The following IPP variants were observed in gnomAD, a reference collection of about 807,000 sequenced individuals.
IPP encodes intracisternal A particle-promoted polypeptide.
In IPP, 41 loss-of-function variants were observed where a neutral mutation model predicts 64.1. The observed-to-expected ratio is 0.64, with a 90% CI of 0.50 to 0.83. The LOEUF (loss-of-function observed/expected upper bound fraction) is 0.83. Among genes scored for constraint, IPP ranks in the 40% least tolerant of loss-of-function variants. The pLI is 0.00. For missense variants in IPP, 649 were observed against 703.0 expected (o/e 0.92, Z 0.87); for synonymous variants, 214 against 235.2 (o/e 0.91, Z 0.83).
chr1:45,712,032 G>C (rs1211567440), intron 8 of IPP, among the ~76,000 whole-genome samples: 1 of 152,032 alleles, frequency 6.6e-6, no homozygotes, highest in Non-Finnish European at 1.5e-5. Flanking sequence ...AAACCAACTT[G>C]AGGCCAGGAG....
In IPP at chr1:45,714,351, T is replaced by C; in HGVS notation, c.1425A>G (p.Arg475=). The change falls in exon 8 of 9, where the codon AGA becomes AGG. Residue 475 remains arginine (R), a synonymous_variant. Transcript: ENST00000396478. The part of the protein sequence containing the change: ...WSPLPPMGTR[R]AYLGVAALND... ...TGAGTGCAGCCACACCAAGATATGC[T>C]CTCCTGGTTCCCATTGGAGGAAGTG... 2 of 1,614,032 alleles carry C rather than the reference T, an allele frequency of 1.2e-6. No homozygotes were observed. The highest frequency in any genetic ancestry group is 1.3e-5 in the African/African-American group (1 of 75,042).
chr1:45,719,451 T>C (rs1645703147), intron 5 of IPP, 111 bp from the exon 6 acceptor site: 1 of 663,418 alleles, frequency 1.5e-6, no homozygotes, highest in South Asian at 2.3e-5. Flanking sequence ...AACCATTATG[T>C]CTGATTTTAT....
At chr1:45,737,548 C>A (rs1018643388) in intron 3 of IPP, among the ~76,000 whole-genome samples, 3 of 150,624 alleles carry the variant, frequency 2.0e-5, no homozygotes, top group Non-Finnish European at 4.4e-5. Flanking sequence ...GCAGCCTCAG[C>A]TTCCTGGGTT....
chr1:45,699,736 T>A lies in IPP; in HGVS notation c.*230A>T. On this transcript the variant is annotated 3_prime_UTR_variant, in exon 9 of 9. Coordinates refer to ENST00000396478, the MANE Select transcript of IPP (RefSeq NM_005897.3). ...GGAGTGCAGTGGCATGATCGTAGCT[T>A]ACTACAACCTCAAATTCCTGGGCTC... 8.0e-7 allele frequency: 1 copy of A among 1,254,560 alleles called. No homozygotes were observed. The highest frequency in any genetic ancestry group is 2.9e-4 in the Middle Eastern group (1 of 3,408). The allele number at this position is 1,254,560 out of a possible 1,614,324, so 77.7% of individuals were successfully genotyped here. A position where few individuals can be genotyped will look rare whatever the true frequency, so the allele number is the denominator to read the frequency against.
intron 5 of IPP, among the ~76,000 whole-genome samples, chr1:45,726,629 G>C (rs1459959161): frequency 6.6e-6 from 1 of 151,600 alleles, no homozygotes; most frequent in East Asian, 1.9e-4. Flanking sequence ...TACGTATCCA[G>C]TATCCATACT....
chr1:45,729,826 AAC>A lies in IPP; in HGVS notation c.725-59_725-58del, dbSNP rs1645882307. ...AACAATTTTTAAATAATATTGAAAAAACACATTTCTATAAAGATAAGATACAT... is the reference window on the plus strand; with the variant it reads ...AACAATTTTTAAATAATATTGAAAAAACATTTCTATAAAGATAAGATACAT... On this transcript the variant is annotated intron_variant, in intron 3 of 8. Transcript: ENST00000396478. The A allele has an allele frequency of 1.1e-5, 11 of 1,003,606 alleles. No individual in the cohort carries two copies. In the East Asian group the frequency reaches 2.8e-4, roughly 26 times the overall value. 62.2% of individuals were successfully genotyped at this position (1,003,606 alleles called of 1,614,324 possible).
At chr1:45,739,043 ATC>A (rs1262916467) in intron 3 of IPP, among the ~76,000 whole-genome samples, 2 of 152,130 alleles carry the variant, frequency 1.3e-5, no homozygotes, top group Non-Finnish European at 2.9e-5. Flanking sequence ...AATCAACTAT[ATC>A]TGTAGTAAAA....
At chr1:45,747,368 T>C (rs1039602075) in intron 1 of IPP, among the ~76,000 whole-genome samples, 1 of 151,884 alleles carries the variant, frequency 6.6e-6, no homozygotes, top group African/African-American at 2.4e-5. Flanking sequence ...TTATCTAAAA[T>C]GAGAGAAAAG....
intron 3 of IPP, among the ~76,000 whole-genome samples, chr1:45,739,588 T>A (rs1448459947): frequency 6.6e-6 from 1 of 151,852 alleles, no homozygotes; most frequent in Admixed American, 6.6e-5. Flanking sequence ...TTAAACATCA[T>A]TTTTCTAATA....
At position 45,708,498 on chromosome 1, in the gene IPP, G is replaced by A. The variant is rs188919939; in HGVS notation, c.1530+5748C>T. 6.0e-3 allele frequency among the ~76,000 whole-genome samples: 899 copies of A among 150,080 alleles called. 6 individuals carry two copies. Among genetic ancestry groups the A allele is most frequent in the South Asian group, 0.012 (56 of 4,702 alleles). ...GTTCAAGACCAGCCTGGCCAACATGGTGAAACCCCGTCTTTAGGAATAACA... is the reference window on the plus strand; with the variant it reads ...GTTCAAGACCAGCCTGGCCAACATGATGAAACCCCGTCTTTAGGAATAACA... On this transcript the variant is annotated intron_variant, in intron 8 of 8. Transcript: ENST00000396478.
chr1:45,725,162 T>G (rs1365370252), intron 5 of IPP, among the ~76,000 whole-genome samples: 42 of 30,664 alleles, frequency 1.4e-3, no homozygotes, highest in African/African-American at 1.9e-3. Context: ...GGGAGTGGGG[T>G]GGGGGGTCAG....
intron 7 of IPP, among the ~76,000 whole-genome samples, chr1:45,715,830 C>T (rs1255158856): frequency 6.6e-6 from 1 of 152,040 alleles, no homozygotes; most frequent in Non-Finnish European, 1.5e-5. Context: ...TCTATGATTT[C>T]AGATGGGATG....
rs368426358 is a variant in IPP at position 45,738,713 on chromosome 1, G to A, written c.724+2188C>T. On this transcript the variant is annotated intron_variant, in intron 3 of 8. Transcript: ENST00000396478. Reference sequence around the variant, plus strand: ...AAATTAGCCGGGCATGGTGGCGGGCGCCTGTAGTCCCAGCTACTTGGGAGG... The same window carrying A: ...AAATTAGCCGGGCATGGTGGCGGGCACCTGTAGTCCCAGCTACTTGGGAGG... Among the ~76,000 whole-genome samples the A allele has an allele frequency of 4.4e-4, 66 of 151,494 alleles. 1 individual carries two copies. The highest frequency in any genetic ancestry group is 6.6e-4 in the Admixed American group (10 of 15,220).
In IPP at chr1:45,700,026, T is replaced by C. The variant is rs142751371; in HGVS notation, c.1695A>G (p.Thr565=). The C allele has an allele frequency of 6.8e-6, 11 of 1,614,096 alleles. No homozygotes were observed. In the African/African-American group the frequency reaches 9.3e-5, roughly 14 times the overall value. Residue 565 remains threonine (T), a synonymous_variant, in exon 9 of 9, where the codon ACA becomes ACG. Coordinates refer to ENST00000396478, the MANE Select transcript of IPP (RefSeq NM_005897.3). The stretch of plus-strand genomic sequence containing the variant: ...TGATCATGTTACCAATTTCTGTCCA[T>C]GTATCTGAATGAGGGTTATAAACTT... ...SVEVYNPHSD[T]WTEIGNMITS...
chr1:45,716,992 C>T lies in IPP; in HGVS notation c.1212G>A (p.Gly404=), dbSNP rs779854733. ...CAGGATCAAATCGTTCAATGGTGTTCCCTATCTCAGCTCCAACCCATCCAC... is the reference window on the plus strand; with the variant it reads ...CAGGATCAAATCGTTCAATGGTGTTTCCTATCTCAGCTCCAACCCATCCAC... ...ALGGWVGAEI[G]NTIERFDPDE... The change falls in exon 7 of 9, where the codon GGG becomes GGA. Residue 404 remains glycine, a synonymous_variant. Transcript: ENST00000396478. 6.2e-7 allele frequency: 1 copy of T among 1,613,052 alleles called. No homozygotes were observed. The highest frequency in any genetic ancestry group is 1.1e-5 in the South Asian group (1 of 90,930).
intron 3 of IPP, among the ~76,000 whole-genome samples, chr1:45,730,466 C>T (rs182525971): frequency 5.3e-5 from 8 of 151,720 alleles, no homozygotes; most frequent in East Asian, 3.9e-4. Flanking sequence ...ATACTTACAA[C>T]GTAACAAAAA....
At position 45,741,083 on chromosome 1, in the gene IPP, T is replaced by G; in HGVS notation, c.542A>C (p.Asp181Ala). ...ACTTCGCAAAATTTTGATCAGCTGA[T>G]CTTTCGTAAGTGCCAGGAACTCTTC... ...SGEEFLALTK[D>A]QLIKILRSEE... Residue 181 changes from aspartate to alanine, a missense_variant, in exon 3 of 9, where the codon GAT (aspartate) becomes GCT (alanine). Transcript: ENST00000396478. 6.2e-7 allele frequency: 1 copy of G among 1,614,116 alleles called. No homozygotes were observed.
Position 45,719,250 on chromosome 1 carries a change from C to G in IPP, c.1139G>C (p.Arg380Pro). The G allele has an allele frequency of 6.2e-7, 1 of 1,613,820 alleles. No individual in the cohort carries two copies. Among genetic ancestry groups the G allele is most frequent in the Non-Finnish European group, 8.5e-7 (1 of 1,179,868 alleles). The change falls in exon 6 of 9, where the codon CGC (arginine) becomes CCC (proline). Residue 380 changes from arginine (R) to proline (P), a missense_variant. Transcript: ENST00000396478. ...ACACACACACACTCCTAAGCCGCAG[C>G]GGGGATGATTCATCGAAGCTACAGT... is the stretch of plus-strand genomic sequence containing the variant. ...WTTVASMNHPRCGLGVCVCYG... is the reference protein window; with the variant it reads ...WTTVASMNHPPCGLGVCVCYG...
At chr1:45,719,705 T>C (rs1645706054) in intron 5 of IPP, among the ~76,000 whole-genome samples, 3 of 152,222 alleles carry the variant, frequency 2.0e-5, no homozygotes, top group Admixed American at 2.0e-4. Context: ...TGTAATCCTT[T>C]TCTAACAACA....
Sources: gnomAD v4.1 joint callset for allele counts (sites outside exome capture counted in the v4.1 genomes callset) on GRCh38, gnomAD v4.1.1 for gene constraint, MANE v1.5 for transcripts, NCBI Gene and HGNC (gene_info 2026-07-23, HGNC 2026-07-21) for gene names.